The following SCFD2 variants were observed in gnomAD, a reference collection of about 807,000 sequenced individuals.
SCFD2 encodes the protein sec1 family domain containing 2.
SCFD2 carries 54 observed loss-of-function variants against 58.9 expected under a neutral mutation model. The observed-to-expected ratio is 0.92, with a 90% CI of 0.74 to 1.15. The LOEUF (loss-of-function observed/expected upper bound fraction) is 1.15, where lower values mean the gene tolerates loss of function less well. Ranked by LOEUF, SCFD2 falls within the 50% of genes most tolerant of loss-of-function variation. The probability of loss-of-function intolerance (pLI) is 0.00; values close to 1 mark genes in which losing one functional copy is unlikely to be tolerated. For synonymous variants in SCFD2, 321 were observed against 335.9 expected, an observed-to-expected ratio of 0.96 and a Z score of 0.49; for missense variants, 805 against 836.6, an observed-to-expected ratio of 0.96 and a Z score of 0.47.
At chr4:52,940,387 GA>G (rs1720261900) in intron 5 of SCFD2, among the ~76,000 whole-genome samples, 1 of 152,194 alleles carries the variant, frequency 6.6e-6, no homozygotes, top group Non-Finnish European at 1.5e-5. Context: ...TGGCTCTCCT[GA>G]GTGGAAATGT....
intron 5 of SCFD2, among the ~76,000 whole-genome samples, chr4:53,100,104 T>A (rs988169860): frequency 3.9e-5 from 6 of 152,196 alleles, no homozygotes; most frequent in African/African-American, 1.4e-4. Flanking sequence ...AATAGCAATC[T>A]GTTGCTTGTC....
At chr4:53,177,884 C>T (rs1446299214) in intron 4 of SCFD2, among the ~76,000 whole-genome samples, 2 of 152,152 alleles carry the variant, frequency 1.3e-5, no homozygotes, top group Admixed American at 6.5e-5. Flanking sequence ...GGGTCCTACG[C>T]CCACAGAGTC....
rs1301289204 is a variant in SCFD2, at chr4:53,131,790, T to C, written c.1561+13543A>G. On this transcript the variant is annotated intron_variant, in intron 5 of 8. Coordinates refer to ENST00000401642, the MANE Select transcript of SCFD2 (RefSeq NM_152540.4). ...ATCTCTCCAATTTGATCCATAGCTT[T>C]GTGTTCAAGAAAACTACTCTTGTGT... Among the ~76,000 whole-genome samples, 3 of 152,260 alleles carry C rather than the reference T, an allele frequency of 2.0e-5. No individual in the cohort carries two copies. In the East Asian group the frequency reaches 5.8e-4, roughly 29 times the overall value.
chr4:53,004,909 T>C (rs1721940364), intron 5 of SCFD2, among the ~76,000 whole-genome samples: 1 of 151,962 alleles, frequency 6.6e-6, no homozygotes, highest in African/African-American at 2.4e-5. Context: ...CTATTCTTTA[T>C]TTTAAGACAG....
chr4:53,235,470 C>T (rs1417556783), intron 4 of SCFD2, among the ~76,000 whole-genome samples: 5 of 152,224 alleles, frequency 3.3e-5, no homozygotes, highest in Non-Finnish European at 7.3e-5. Flanking sequence ...CATTTGAGGA[C>T]ATACTCATGA....
chr4:52,875,802 CTATATATA>C lies in SCFD2; in HGVS notation c.1963-1749_1963-1742del, dbSNP rs3052566. On this transcript the variant is annotated intron_variant, in intron 8 of 8. Transcript: ENST00000401642. ...CTTCTTGAAAGAGGATTATCTTTAA[CTATATATA>C]TATATATATATATATATATATATAT... is the stretch of plus-strand genomic sequence containing the variant. Among the ~76,000 whole-genome samples the C allele has an allele frequency of 9.1e-3, 554 of 60,834 alleles. 3 individuals carry two copies. The highest frequency in any genetic ancestry group is 0.012 in the African/African-American group (206 of 16,826). 39.9% of individuals were successfully genotyped at this position (60,834 alleles called of 152,430 possible).
intron 4 of SCFD2, among the ~76,000 whole-genome samples, chr4:53,238,630 C>G (rs1419837913): frequency 1.3e-5 from 2 of 151,740 alleles, no homozygotes; most frequent in African/African-American, 4.8e-5. Flanking sequence ...CGGAGGAGCT[C>G]CTCGCTTCTC....
At chr4:53,273,581 C>A in intron 4 of SCFD2, 1 of 360,634 alleles carries the variant, frequency 2.8e-6, no homozygotes, top group South Asian at 5.6e-5. Context: ...GAGGTTAGTC[C>A]AATGCTCAAA....
chr4:53,016,749 T>C (rs1722222918), intron 5 of SCFD2, among the ~76,000 whole-genome samples: 1 of 152,196 alleles, frequency 6.6e-6, no homozygotes, highest in South Asian at 2.1e-4. Flanking sequence ...TTTTAAAAAC[T>C]GCTTAGAGAT....
At chr4:52,941,148 A>G (rs892935361) in intron 5 of SCFD2, among the ~76,000 whole-genome samples, 1 of 152,164 alleles carries the variant, frequency 6.6e-6, no homozygotes, top group Non-Finnish European at 1.5e-5. Flanking sequence ...CAGTTCCAGA[A>G]AGATCTTTTC....
At chr4:53,338,650 G>A (rs1267144181) in intron 2 of SCFD2, among the ~76,000 whole-genome samples, 3 of 132,646 alleles carry the variant, frequency 2.3e-5, no homozygotes, top group Admixed American at 8.6e-5. Flanking sequence ...GCGGGATCTC[G>A]GCTCACTGCA....
intron 5 of SCFD2, among the ~76,000 whole-genome samples, chr4:52,980,059 G>A (rs966995365): frequency 1.3e-5 from 2 of 152,190 alleles, no homozygotes; most frequent in Middle Eastern, 3.2e-3. Context: ...GCCCCTTGGG[G>A]TTGGCAATAT....
intron 4 of SCFD2, among the ~76,000 whole-genome samples, chr4:53,262,254 T>A (rs1232131996): frequency 6.6e-6 from 1 of 152,174 alleles, no homozygotes; most frequent in African/African-American, 2.4e-5. Context: ...TTTCATTCAA[T>A]GTTAGTATTA....
intron 4 of SCFD2, among the ~76,000 whole-genome samples, chr4:53,157,130 T>C (rs1170260260): frequency 2.0e-5 from 3 of 152,206 alleles, no homozygotes; most frequent in Non-Finnish European, 4.4e-5. Flanking sequence ...GATGAGATCA[T>C]TGGTGACATT....
chr4:52,932,748 C>T (rs574347620), intron 5 of SCFD2, among the ~76,000 whole-genome samples: 1 of 152,164 alleles, frequency 6.6e-6, no homozygotes, highest in East Asian at 1.9e-4. Context: ...TTCTCCCCTC[C>T]CCCAACACAC....
chr4:53,022,484 T>C (rs865815883), intron 5 of SCFD2, among the ~76,000 whole-genome samples: 1 of 152,212 alleles, frequency 6.6e-6, no homozygotes, highest in African/African-American at 2.4e-5. Context: ...TATAGTATCA[T>C]AAAGAGCTGC....
intron 5 of SCFD2, among the ~76,000 whole-genome samples, chr4:52,966,323 G>C (rs1383399411): frequency 2.0e-5 from 3 of 152,224 alleles, no homozygotes; most frequent in Non-Finnish European, 4.4e-5. Flanking sequence ...GTGCAAAGTA[G>C]ATCAACGTAA....
intron 5 of SCFD2, among the ~76,000 whole-genome samples, chr4:52,930,083 C>A (rs912796724): frequency 1.3e-5 from 2 of 152,148 alleles, no homozygotes; most frequent in African/African-American, 4.8e-5. Context: ...CTGGAGGCAT[C>A]ACACTACCTG....
intron 5 of SCFD2, among the ~76,000 whole-genome samples, chr4:53,097,178 G>C (rs1380213253): frequency 2.0e-5 from 3 of 152,156 alleles, no homozygotes; most frequent in Non-Finnish European, 4.4e-5. Context: ...TTTTGGCTTA[G>C]GATTGTCTTG....
Sources: gnomAD v4.1 joint callset for allele counts (sites outside exome capture counted in the v4.1 genomes callset) on GRCh38, gnomAD v4.1.1 for gene constraint, MANE v1.5 for transcripts, NCBI Gene and HGNC (gene_info 2026-07-23, HGNC 2026-07-21) for gene names.